The following RALYL variants were observed in gnomAD, a reference collection of about 807,000 sequenced individuals.
The protein encoded by RALYL is RNA-binding Raly-like protein.
In RALYL, 29 loss-of-function variants were observed where a neutral mutation model predicts 35.1. The observed-to-expected ratio is 0.83, with a 90% CI of 0.61 to 1.13. The LOEUF (loss-of-function observed/expected upper bound fraction) is 1.13, where lower values mean the gene tolerates loss of function less well. Among genes scored for constraint, RALYL ranks in the 50% most tolerant of loss-of-function variants. The probability of loss-of-function intolerance (pLI) is 0.00; values close to 1 mark genes in which losing one functional copy is unlikely to be tolerated. For synonymous variants in RALYL, 120 were observed against 127.6 expected, an observed-to-expected ratio of 0.94 and a Z score of 0.40; for missense variants, 359 against 360.4, an observed-to-expected ratio of 1.00 and a Z score of 0.03.
In RALYL at chr8:84,245,243, G is replaced by A. The variant is rs560542457; in HGVS notation, c.-24+60819G>A. Among the ~76,000 whole-genome samples, 93 of 152,190 alleles carry A rather than the reference G, an allele frequency of 6.1e-4. No homozygotes were observed. In the South Asian group the frequency reaches 6.4e-3, roughly 11 times the overall value. ...GGGTTCTCTGGTATGCAAAATTCTC[G>A]GAAAGGTAATCTGGAACAATTGTCT... On this transcript the variant is annotated intron_variant, in intron 1 of 8. Transcript: ENST00000521268.
At chr8:84,450,050 T>A (rs1266837988) in intron 1 of RALYL, among the ~76,000 whole-genome samples, 1 of 151,830 alleles carries the variant, frequency 6.6e-6, no homozygotes, top group Non-Finnish European at 1.5e-5. Flanking sequence ...TGTTGTAGAT[T>A]TGTGTCTAAA....
At chr8:84,711,706 T>G (rs1238201371) in intron 2 of RALYL, among the ~76,000 whole-genome samples, 1 of 152,184 alleles carries the variant, frequency 6.6e-6, no homozygotes, top group East Asian at 1.9e-4. Flanking sequence ...ATAATAGGTT[T>G]GATATTTTGT....
chr8:84,527,085 GAATAC>G (rs1300448768), intron 1 of RALYL, among the ~76,000 whole-genome samples: 1 of 152,202 alleles, frequency 6.6e-6, no homozygotes, highest in African/African-American at 2.4e-5. Flanking sequence ...TGAAATGACA[GAATAC>G]AATACTACAA....
chr8:84,561,227 C>A (rs939629754), intron 2 of RALYL, among the ~76,000 whole-genome samples: 1 of 151,812 alleles, frequency 6.6e-6, no homozygotes, highest in Non-Finnish European at 1.5e-5. Flanking sequence ...ATAAGTCAGA[C>A]ACAGAAAGAA....
chr8:84,306,446 G>A (rs1563703098), intron 1 of RALYL, among the ~76,000 whole-genome samples: 3 of 152,088 alleles, frequency 2.0e-5, no homozygotes, highest in African/African-American at 7.2e-5. Flanking sequence ...TCAGACTTTG[G>A]TGTTATCATG....
intron 2 of RALYL, among the ~76,000 whole-genome samples, chr8:84,698,566 T>C (rs975273260): frequency 3.3e-5 from 5 of 152,120 alleles, no homozygotes; most frequent in Admixed American, 6.6e-5. Context: ...CACTACCACA[T>C]ATATAAAATA....
At chr8:84,473,809 T>C (rs2053077599) in intron 1 of RALYL, among the ~76,000 whole-genome samples, 1 of 151,948 alleles carries the variant, frequency 6.6e-6, no homozygotes, top group East Asian at 1.9e-4. Flanking sequence ...TTCTACACTA[T>C]ATCTGATCTA....
chr8:84,370,943 T>A (rs1450926711), intron 1 of RALYL, among the ~76,000 whole-genome samples: 5 of 152,044 alleles, frequency 3.3e-5, no homozygotes, highest in African/African-American at 1.2e-4. Flanking sequence ...ATAATAATAA[T>A]GTTACCCATA....
chr8:84,197,416 G>A (rs1454256577), intron 1 of RALYL, among the ~76,000 whole-genome samples: 3 of 152,160 alleles, frequency 2.0e-5, no homozygotes, highest in African/African-American at 7.2e-5. Flanking sequence ...TTCATACAAA[G>A]AAGATAATCC....
At chr8:84,222,199 ATAAAT>A (rs1822402434) in intron 1 of RALYL, among the ~76,000 whole-genome samples, 1 of 152,128 alleles carries the variant, frequency 6.6e-6, no homozygotes. Context: ...ATTAAAGAAA[ATAAAT>A]TAAAAATTGA....
intron 1 of RALYL, among the ~76,000 whole-genome samples, chr8:84,520,502 A>G (rs1440050582): frequency 6.6e-6 from 1 of 152,152 alleles, no homozygotes; most frequent in East Asian, 1.9e-4. Context: ...GGAATATTTT[A>G]TGTGATCTTA....
chr8:84,441,040 A>G (rs2048275964), intron 1 of RALYL, among the ~76,000 whole-genome samples: 1 of 152,032 alleles, frequency 6.6e-6, no homozygotes, highest in South Asian at 2.1e-4. Context: ...TACTAGTTTC[A>G]GGATTTTGTT....
At chr8:84,419,968 C>A (rs557726328) in intron 1 of RALYL, among the ~76,000 whole-genome samples, 1 of 150,564 alleles carries the variant, frequency 6.6e-6, no homozygotes, top group South Asian at 2.1e-4. Flanking sequence ...GGGTTGGTTC[C>A]AAGTCTTTGC....
At position 84,916,050 on chromosome 8, in the gene RALYL, GTTTTA is replaced by G. The variant is rs575259493; in HGVS notation, c.859-4839_859-4835del. Among the ~76,000 whole-genome samples the G allele has an allele frequency of 1.5e-4, 23 of 152,106 alleles. No individual in the cohort carries two copies. In the South Asian group the frequency reaches 4.6e-3, roughly 30 times the overall value. On this transcript the variant is annotated intron_variant, in intron 8 of 8. Transcript: ENST00000521268. ...GTTACTGTATATGGTATGCTAAGAT[GTTTTA>G]TTTTCTTTCCTAAAACTGAAGCTAA...
intron 4 of RALYL, among the ~76,000 whole-genome samples, chr8:84,837,071 C>T (rs775867957): frequency 7.2e-5 from 11 of 152,256 alleles, no homozygotes; most frequent in African/African-American, 2.2e-4. Context: ...TTCATGAAGC[C>T]GTGTTTGATC....
intron 1 of RALYL, among the ~76,000 whole-genome samples, chr8:84,422,402 T>C (rs1205342864): frequency 2.9e-5 from 4 of 135,840 alleles, no homozygotes; most frequent in South Asian, 5.1e-4. Context: ...ATATCCCCTT[T>C]ATCATTTTTT....
intron 2 of RALYL, among the ~76,000 whole-genome samples, chr8:84,630,137 T>C (rs1823603242): frequency 6.6e-6 from 1 of 151,902 alleles, no homozygotes; most frequent in African/African-American, 2.4e-5. Context: ...ATGACAAAAA[T>C]AATATTAAAA....
chr8:84,286,935 C>T (rs985167442), intron 1 of RALYL, among the ~76,000 whole-genome samples: 11 of 152,026 alleles, frequency 7.2e-5, no homozygotes, highest in Admixed American at 4.6e-4. Context: ...GTGGGGGTCC[C>T]GGTTTCTGGA....
chr8:84,212,992 T>C (rs1487819393), intron 1 of RALYL, among the ~76,000 whole-genome samples: 2 of 152,222 alleles, frequency 1.3e-5, no homozygotes, highest in East Asian at 3.8e-4. Flanking sequence ...GAAATTATTC[T>C]TTATAACATG....
Sources: gnomAD v4.1 joint callset for allele counts (sites outside exome capture counted in the v4.1 genomes callset) on GRCh38, gnomAD v4.1.1 for gene constraint, MANE v1.5 for transcripts, NCBI Gene and HGNC (gene_info 2026-07-23, HGNC 2026-07-21) for gene names.